PPFIA1: variants seen among roughly 807,000 people sequenced by gnomAD.
The protein encoded by PPFIA1 is PPFI scaffold protein A1, also known as liprin-alpha-1.
PPFIA1 carries 25 observed loss-of-function variants against 149.9 expected under a neutral mutation model. The ratio of observed to expected loss-of-function variants is 0.17; its 90% CI spans 0.12 to 0.23. The LOEUF (loss-of-function observed/expected upper bound fraction) is 0.23, where lower values mean the gene tolerates loss of function less well. Among genes scored for constraint, PPFIA1 ranks in the 10% least tolerant of loss-of-function variants. The pLI is 1.00. For missense variants in PPFIA1, 1,362 were observed against 1,506.5 expected (o/e 0.90, Z 1.59); for synonymous variants, 549 against 552.8 (o/e 0.99, Z 0.10).
intron 14 of PPFIA1, among the ~76,000 whole-genome samples, chr11:70,339,846 C>G (rs1312512022): frequency 6.6e-6 from 1 of 152,056 alleles, no homozygotes; most frequent in East Asian, 1.9e-4. Context: ...GAAACCCCGT[C>G]TCTACTAAAA....
At chr11:70,287,445 A>G (rs2051220630) in intron 2 of PPFIA1, among the ~76,000 whole-genome samples, 1 of 151,608 alleles carries the variant, frequency 6.6e-6, no homozygotes, top group African/African-American at 2.4e-5. Context: ...CCCTGTGTAT[A>G]CTGATTCTCA....
chr11:70,284,731 G>A (rs772083595), intron 2 of PPFIA1, among the ~76,000 whole-genome samples: 8 of 152,124 alleles, frequency 5.3e-5, no homozygotes, highest in South Asian at 2.1e-4. Context: ...CTTTCTTGGC[G>A]GTGGGGCTAC....
At chr11:70,322,383 T>C (rs1446823691) in intron 2 of PPFIA1, among the ~76,000 whole-genome samples, 3 of 152,084 alleles carry the variant, frequency 2.0e-5, no homozygotes, top group African/African-American at 7.2e-5. Flanking sequence ...ACATAAGAAA[T>C]CTCTGAAACT....
intron 19 of PPFIA1, 122 bp from the exon 20 acceptor site, chr11:70,361,973 C>T (rs1343427866): frequency 4.8e-6 from 4 of 841,450 alleles, no homozygotes; most frequent in Non-Finnish European, 5.8e-6. Flanking sequence ...GTTGTCTAGG[C>T]TGGTCTTGAA....
chr11:70,355,591 A>C (rs930639743), intron 17 of PPFIA1, 48 bp from the exon 18 acceptor site: 1 of 1,525,294 alleles, frequency 6.6e-7, no homozygotes, highest in Non-Finnish European at 8.8e-7. Flanking sequence ...TAATATGTGA[A>C]GTATCCTACA....
At chr11:70,306,628 A>G (rs1477315059) in intron 2 of PPFIA1, among the ~76,000 whole-genome samples, 1 of 152,234 alleles carries the variant, frequency 6.6e-6, no homozygotes, top group African/African-American at 2.4e-5. Context: ...ACTTTCTGAT[A>G]ACGAATGTTT....
At chr11:70,382,687 G>A (rs2057755609) in intron 27 of PPFIA1, among the ~76,000 whole-genome samples, 1 of 152,162 alleles carries the variant, frequency 6.6e-6, no homozygotes, top group Non-Finnish European at 1.5e-5. Context: ...TGAGTGGCCC[G>A]CCCTCTCCTT....
intron 2 of PPFIA1, among the ~76,000 whole-genome samples, chr11:70,305,885 G>T (rs577665743): frequency 6.6e-6 from 1 of 152,158 alleles, no homozygotes; most frequent in Non-Finnish European, 1.5e-5. Context: ...CTAGTGATAA[G>T]TTTATGGTTA....
intron 2 of PPFIA1, among the ~76,000 whole-genome samples, chr11:70,292,246 A>G (rs964953138): frequency 1.3e-5 from 2 of 152,194 alleles, no homozygotes; most frequent in Non-Finnish European, 2.9e-5. Flanking sequence ...GGCCTCCCAA[A>G]GTGCTGGAAT....
intron 21 of PPFIA1, chr11:70,367,632 G>A (rs1432115427): frequency 2.2e-6 from 1 of 454,656 alleles, no homozygotes; most frequent in East Asian, 6.9e-5. Context: ...GAGAAGAGGT[G>A]GGTCTCCCTG....
intron 16 of PPFIA1, among the ~76,000 whole-genome samples, chr11:70,351,323 C>G (rs1198099461): frequency 6.6e-6 from 1 of 152,146 alleles, no homozygotes; most frequent in Admixed American, 6.6e-5. Context: ...TAAGAAATTA[C>G]TAGTGCAAAG....
In PPFIA1 at chr11:70,305,796, C is replaced by G. The variant is rs184297450; in HGVS notation, c.265-18606C>G. Among the ~76,000 whole-genome samples, 13 of 152,192 alleles carry G rather than the reference C, an allele frequency of 8.5e-5. No individual in the cohort carries two copies. The East Asian group carries it at 2.5e-3, about 29-fold the overall frequency. On this transcript the variant is annotated intron_variant, in intron 2 of 27. Transcript: ENST00000253925. ...ATAGGAAAATTGGGAGGTTCTCACT[C>G]AAAATTGGCTTATATTTGGGCATAT...
chr11:70,310,510 C>T (rs1467162480), intron 2 of PPFIA1, among the ~76,000 whole-genome samples: 2 of 151,742 alleles, frequency 1.3e-5, no homozygotes, highest in African/African-American at 2.4e-5. Context: ...CTCAGCCTCC[C>T]GAGTAGCTGG....
intron 2 of PPFIA1, among the ~76,000 whole-genome samples, chr11:70,282,633 A>G (rs2050832787): frequency 7.4e-6 from 1 of 135,942 alleles, no homozygotes; most frequent in African/African-American, 2.8e-5. Context: ...GGTTCACACC[A>G]TTCTTCTGCC....
chr11:70,376,499 A>T, intron 24 of PPFIA1, 33 bp from the exon 25 acceptor site: 1 of 1,580,226 alleles, frequency 6.3e-7, no homozygotes, highest in Non-Finnish European at 8.7e-7. Context: ...AGATTTGATG[A>T]AAGTTTTATT....
chr11:70,321,603 G>A (rs1221464748), intron 2 of PPFIA1, among the ~76,000 whole-genome samples: 1 of 152,148 alleles, frequency 6.6e-6, no homozygotes, highest in African/African-American at 2.4e-5. Context: ...ACAAGAGTAA[G>A]AAGATATGAC....
intron 3 of PPFIA1, 104 bp from the exon 4 acceptor site, chr11:70,324,743 G>A (rs2054163208): frequency 8.9e-7 from 1 of 1,129,642 alleles, no homozygotes; most frequent in Non-Finnish European, 1.3e-6. Context: ...GAATTGAAGG[G>A]ACTTCATTTT....
At chr11:70,287,262 G>T (rs370791261) in intron 2 of PPFIA1, among the ~76,000 whole-genome samples, 3 of 152,022 alleles carry the variant, frequency 2.0e-5, no homozygotes, top group Non-Finnish European at 4.4e-5. Flanking sequence ...CTGGCCCAGC[G>T]CCTCCCTGCT....
chr11:70,345,999 T>C, intron 15 of PPFIA1: 1 of 454,138 alleles, frequency 2.2e-6, no homozygotes, highest in Non-Finnish European at 4.4e-6. Context: ...CAGTGAGTGC[T>C]CAGATTGCAG....
Sources: allele counts gnomAD v4.1 joint callset (sites outside exome capture counted in the v4.1 genomes callset), GRCh38; gene constraint gnomAD v4.1.1; transcripts MANE v1.5; gene names NCBI Gene and HGNC (gene_info 2026-07-23, HGNC 2026-07-21).